NKAIN3: variants seen among roughly 807,000 people sequenced by gnomAD.
NKAIN3 encodes sodium/potassium transporting ATPase interacting 3.
In NKAIN3, 25 loss-of-function variants were observed where a neutral mutation model predicts 30.2. The observed-to-expected ratio is 0.83, with a 90% CI of 0.60 to 1.16. The LOEUF (loss-of-function observed/expected upper bound fraction) is 1.16. Ranked by LOEUF, NKAIN3 falls within the 50% of genes most tolerant of loss-of-function variation. The pLI is 0.00. For missense variants in NKAIN3, 225 were observed against 254.1 expected (o/e 0.89, Z 0.78); for synonymous variants, 91 against 89.6 (o/e 1.02, Z -0.09).
intron 1 of NKAIN3, among the ~76,000 whole-genome samples, chr8:62,263,524 C>T (rs529364925): frequency 6.6e-6 from 1 of 152,246 alleles, no homozygotes; most frequent in Admixed American, 6.5e-5. Context: ...CAAGGTGCTC[C>T]AGTGAGTACT....
intron 1 of NKAIN3, among the ~76,000 whole-genome samples, chr8:62,486,199 A>C (rs1806896446): frequency 6.6e-6 from 1 of 152,154 alleles, no homozygotes; most frequent in Non-Finnish European, 1.5e-5. Flanking sequence ...GGAGATTGAG[A>C]AAGTCTGATG....
intron 3 of NKAIN3, among the ~76,000 whole-genome samples, chr8:62,627,960 T>C (rs1469487992): frequency 2.0e-5 from 3 of 152,092 alleles, no homozygotes; most frequent in African/African-American, 7.2e-5. Flanking sequence ...ATAAGATCCT[T>C]CATCCAACAG....
chr8:62,328,644 T>A (rs1216252065), intron 1 of NKAIN3, among the ~76,000 whole-genome samples: 8 of 152,146 alleles, frequency 5.3e-5, no homozygotes, highest in Admixed American at 1.3e-4. Context: ...TTTTTAGGAA[T>A]CAAATATGTT....
intron 3 of NKAIN3, among the ~76,000 whole-genome samples, chr8:62,717,471 T>C (rs1586123638): frequency 6.6e-6 from 1 of 152,016 alleles, no homozygotes; most frequent in Admixed American, 6.6e-5. Flanking sequence ...TGTGGCTTAT[T>C]GTGTTTTATA....
chr8:62,438,611 G>T lies in NKAIN3; in HGVS notation c.55-140928G>T, dbSNP rs552559563. Among the ~76,000 whole-genome samples the T allele has an allele frequency of 1.2e-4, 19 of 152,198 alleles. No individual in the cohort carries two copies. The South Asian group carries it at 2.9e-3, about 23-fold the overall frequency. ...GAGGCTCACTCTGTCATCCAGGCTGGAGTGCAGTGGCAAAATCTCAGTTCA... is the reference window on the plus strand; with the variant it reads ...GAGGCTCACTCTGTCATCCAGGCTGTAGTGCAGTGGCAAAATCTCAGTTCA... On this transcript the variant is annotated intron_variant, in intron 1 of 6. Transcript: ENST00000623646.
In NKAIN3 at chr8:62,345,476, CATATATGTATATAT is replaced by C. The variant is rs1563942676; in HGVS notation, c.54+96351_54+96364del. ...ATATGTATATATACACATATATACA[CATATATGTATATAT>C]ACACACATATATACACATATATACA... is the stretch of plus-strand genomic sequence containing the variant. On this transcript the variant is annotated intron_variant, in intron 1 of 6. Transcript: ENST00000623646. Among the ~76,000 whole-genome samples, 11 of 82,898 alleles carry C rather than the reference CATATATGTATATAT, an allele frequency of 1.3e-4. 1 individual carries two copies. Among genetic ancestry groups the C allele is most frequent in the Non-Finnish European group, 1.8e-4 (8 of 44,318 alleles). 54.4% of individuals were successfully genotyped at this position (82,898 alleles called of 152,430 possible).
chr8:62,933,067 C>T (rs528080234), intron 5 of NKAIN3, among the ~76,000 whole-genome samples: 9 of 151,810 alleles, frequency 5.9e-5, no homozygotes, highest in Admixed American at 2.0e-4. Flanking sequence ...CACATCTGTA[C>T]CCACTCAGGT....
intron 5 of NKAIN3, among the ~76,000 whole-genome samples, chr8:62,929,024 G>C (rs1055290457): frequency 2.6e-5 from 4 of 152,220 alleles, no homozygotes; most frequent in Admixed American, 1.3e-4. Context: ...AGCTCTCTCT[G>C]AGAAGAGGAC....
chr8:62,588,474 A>T (rs1810547245), intron 2 of NKAIN3, among the ~76,000 whole-genome samples: 1 of 151,788 alleles, frequency 6.6e-6, no homozygotes, highest in African/African-American at 2.4e-5. Flanking sequence ...CATTAAATGT[A>T]ACCAGTTATA....
At chr8:62,932,995 A>AACACACACAG (rs1822666258) in intron 5 of NKAIN3, among the ~76,000 whole-genome samples, 1 of 141,794 alleles carries the variant, frequency 7.1e-6, no homozygotes, top group South Asian at 2.3e-4. Context: ...TCACTCAATG[A>AACACACACAG]ACACACACAC....
intron 1 of NKAIN3, among the ~76,000 whole-genome samples, chr8:62,493,635 T>G (rs1393291385): frequency 3.2e-4 from 48 of 152,176 alleles, no homozygotes; most frequent in Non-Finnish European, 4.4e-5. Flanking sequence ...TTAGTGATAT[T>G]GATTCTTCCT....
intron 5 of NKAIN3, among the ~76,000 whole-genome samples, chr8:62,923,504 A>T (rs1372322925): frequency 6.6e-6 from 1 of 152,210 alleles, no homozygotes; most frequent in East Asian, 1.9e-4. Context: ...TATGTGAGGC[A>T]AGTGGAGGTC....
At chr8:62,777,183 G>A (rs1198092100) in intron 4 of NKAIN3, among the ~76,000 whole-genome samples, 2 of 151,968 alleles carry the variant, frequency 1.3e-5, no homozygotes, top group Non-Finnish European at 2.9e-5. Context: ...CCTTCTTTAG[G>A]TTAAATCAAC....
intron 1 of NKAIN3, among the ~76,000 whole-genome samples, chr8:62,494,097 G>A (rs1807157161): frequency 6.6e-6 from 1 of 152,126 alleles, no homozygotes; most frequent in African/African-American, 2.4e-5. Flanking sequence ...TCTTTGTCTT[G>A]TGCTGGTTTT....
chr8:62,899,648 A>G (rs932835663), intron 4 of NKAIN3, among the ~76,000 whole-genome samples: 1 of 152,184 alleles, frequency 6.6e-6, no homozygotes, highest in Non-Finnish European at 1.5e-5. Context: ...AAGAAGTTAC[A>G]AAGAATGAAT....
intron 1 of NKAIN3, among the ~76,000 whole-genome samples, chr8:62,538,178 T>C (rs980061624): frequency 1.3e-5 from 2 of 152,108 alleles, no homozygotes; most frequent in African/African-American, 2.4e-5. Flanking sequence ...TTGTTTGTTG[T>C]TGTTTTTGTT....
At chr8:62,373,744 T>A (rs922574061) in intron 1 of NKAIN3, among the ~76,000 whole-genome samples, 1 of 152,176 alleles carries the variant, frequency 6.6e-6, no homozygotes, top group Non-Finnish European at 1.5e-5. Flanking sequence ...CATCAACAAA[T>A]GTACTTTATT....
chr8:62,453,870 TG>T (rs1805726248), intron 1 of NKAIN3, among the ~76,000 whole-genome samples: 1 of 151,910 alleles, frequency 6.6e-6, no homozygotes, highest in African/African-American at 2.4e-5. Context: ...AGTTCTGAAA[TG>T]GAATAAAAAT....
intron 3 of NKAIN3, among the ~76,000 whole-genome samples, chr8:62,629,056 A>G (rs1811872822): frequency 6.6e-6 from 1 of 152,096 alleles, no homozygotes; most frequent in Non-Finnish European, 1.5e-5. Context: ...CCCTCCTAAC[A>G]TTTTTGTGTG....
Sources: gnomAD v4.1 joint callset for allele counts (sites outside exome capture counted in the v4.1 genomes callset) on GRCh38, gnomAD v4.1.1 for gene constraint, MANE v1.5 for transcripts, NCBI Gene and HGNC (gene_info 2026-07-23, HGNC 2026-07-21) for gene names.